The following CLSTN2 variants were observed in gnomAD, a reference collection of about 807,000 sequenced individuals.
The protein encoded by CLSTN2 is calsyntenin-2.
Under a neutral mutation model 101.2 loss-of-function variants are expected in CLSTN2, and 48 were observed. That is an observed-to-expected ratio of 0.47 (90% confidence interval 0.38 to 0.60). CLSTN2 has a LOEUF of 0.60. Among genes scored for constraint, CLSTN2 ranks in the 20% least tolerant of loss-of-function variants. CLSTN2 has a pLI of 0.00. For missense variants in CLSTN2, 1,160 were observed against 1,238.2 expected, an observed-to-expected ratio of 0.94 and a Z score of 0.95; for synonymous variants, 481 against 463.6, an observed-to-expected ratio of 1.04 and a Z score of -0.48.
At chr3:140,254,079 T>A (rs1383441467) in intron 2 of CLSTN2, among the ~76,000 whole-genome samples, 1 of 152,208 alleles carries the variant, frequency 6.6e-6, no homozygotes, top group African/African-American at 2.4e-5. Flanking sequence ...GTAGAAATAA[T>A]AACATAGGAA....
rs139149958 is a variant in CLSTN2, at chr3:139,968,726, G to A, written c.109+33243G>A. On this transcript the variant is annotated intron_variant, in intron 1 of 16. Transcript: ENST00000458420. ...TGGTTTGGTTAGTTTGGATTCTGAA[G>A]TATTCCAGAAACTCAATAGGTAGAA... is the stretch of plus-strand genomic sequence containing the variant. 1.3e-3 allele frequency among the ~76,000 whole-genome samples: 201 copies of A among 152,282 alleles called. 1 individual carries two copies. Among genetic ancestry groups the A allele is most frequent in the Middle Eastern group, 3.4e-3 (1 of 294 alleles).
chr3:140,286,637 C>T lies in CLSTN2; in HGVS notation c.232+110564C>T, dbSNP rs546299419. Among the ~76,000 whole-genome samples, 3 of 152,294 alleles carry T rather than the reference C, an allele frequency of 2.0e-5. No homozygotes were observed. The South Asian group carries it at 6.2e-4, about 32-fold the overall frequency. On this transcript the variant is annotated intron_variant, in intron 2 of 16. Coordinates refer to ENST00000458420, the MANE Select transcript of CLSTN2 (RefSeq NM_022131.3). ...GTATAAGCACCTTTAGGGCAGGGAC[C>T]ATGTTTCTCATCTCTCTCATTCCTG...
chr3:140,033,748 C>CT (rs1444531231), intron 1 of CLSTN2, among the ~76,000 whole-genome samples: 3 of 152,246 alleles, frequency 2.0e-5, no homozygotes, highest in South Asian at 2.1e-4. Flanking sequence ...GCAAAATTAT[C>CT]TTTTTTCTGT....
chr3:140,396,357 A>T (rs1175874659), intron 2 of CLSTN2, among the ~76,000 whole-genome samples: 2 of 152,182 alleles, frequency 1.3e-5, no homozygotes, highest in African/African-American at 2.4e-5. Context: ...CACACATGTG[A>T]CATTCAAAAT....
chr3:140,473,269 A>G (rs1364090700), intron 8 of CLSTN2, among the ~76,000 whole-genome samples: 2 of 152,034 alleles, frequency 1.3e-5, no homozygotes, highest in Non-Finnish European at 1.5e-5. Flanking sequence ...CATTACTCTC[A>G]TGCCATGTCA....
At chr3:140,553,534 A>C (rs1935746137) in intron 10 of CLSTN2, among the ~76,000 whole-genome samples, 1 of 152,128 alleles carries the variant, frequency 6.6e-6, no homozygotes, top group Admixed American at 6.5e-5. Context: ...GAAGTGCTAA[A>C]TTTTCCCAAA....
chr3:139,973,366 C>G (rs1935749715), intron 1 of CLSTN2, among the ~76,000 whole-genome samples: 1 of 152,198 alleles, frequency 6.6e-6, no homozygotes, highest in Non-Finnish European at 1.5e-5. Flanking sequence ...TGGCTCAGGT[C>G]AGTAGCCAGA....
chr3:140,200,081 A>G (rs1193277205), intron 2 of CLSTN2, among the ~76,000 whole-genome samples: 1 of 152,110 alleles, frequency 6.6e-6, no homozygotes, highest in Admixed American at 6.5e-5. Context: ...CAGATTTAAG[A>G]GTCTGTATTC....
At chr3:140,187,746 A>G (rs1425399164) in intron 2 of CLSTN2, among the ~76,000 whole-genome samples, 1 of 151,864 alleles carries the variant, frequency 6.6e-6, no homozygotes. Context: ...GTGTCTGTCC[A>G]CTCACTCCTC....
Position 140,345,245 on chromosome 3 carries a change from C to CTT in CLSTN2, c.233-58378_233-58377dup, listed in dbSNP as rs569774722. On this transcript the variant is annotated intron_variant, in intron 2 of 16. Coordinates refer to ENST00000458420, the MANE Select transcript of CLSTN2 (RefSeq NM_022131.3). ...CAGGGTGGCATTGAGTGGATATAGC[C>CTT]TTTTTTTCTTTTTTTTTTTTGAGAC... Among the ~76,000 whole-genome samples the CTT allele has an allele frequency of 2.4e-4, 33 of 136,018 alleles. 1 individual carries two copies. Among genetic ancestry groups the CTT allele is most frequent in the African/African-American group, 3.2e-4 (12 of 37,512 alleles). 89.2% of individuals were successfully genotyped at this position (136,018 alleles called of 152,430 possible).
At chr3:140,465,474 A>G (rs1167582061) in intron 7 of CLSTN2, among the ~76,000 whole-genome samples, 4 of 152,208 alleles carry the variant, frequency 2.6e-5, no homozygotes, top group Non-Finnish European at 5.9e-5. Context: ...TGAAGCCAGG[A>G]GAATGGCCTG....
chr3:140,273,115 A>G (rs1468397775), intron 2 of CLSTN2, among the ~76,000 whole-genome samples: 1 of 152,106 alleles, frequency 6.6e-6, no homozygotes, highest in African/African-American at 2.4e-5. Flanking sequence ...GACTCACCCT[A>G]GGAATAAAAA....
Position 140,403,776 on chromosome 3 carries a change from A to G in CLSTN2, c.380A>G (p.Tyr127Cys), listed in dbSNP as rs773769106. The change falls in exon 3 of 17, where the codon TAT (tyrosine) becomes TGT (cysteine). Residue 127 changes from tyrosine (Y) to cysteine (C), a missense_variant. Transcript: ENST00000458420. ...GAGTACACATTCATCATCCAGGCCTATGACTGTGGTGCTGGGCCCCACGAG... is the reference window on the plus strand; with the variant it reads ...GAGTACACATTCATCATCCAGGCCTGTGACTGTGGTGCTGGGCCCCACGAG... ...QKEYTFIIQA[Y>C]DCGAGPHETA... 6.2e-7 allele frequency: 1 copy of G among 1,614,130 alleles called. No individual in the cohort carries two copies. Among genetic ancestry groups the G allele is most frequent in the Non-Finnish European group, 8.5e-7 (1 of 1,180,008 alleles).
intron 2 of CLSTN2, among the ~76,000 whole-genome samples, chr3:140,260,047 T>A (rs1019400703): frequency 6.6e-6 from 1 of 151,642 alleles, no homozygotes; most frequent in African/African-American, 2.4e-5. Flanking sequence ...TGAAATCAGT[T>A]GTACACCAAA....
intron 9 of CLSTN2, among the ~76,000 whole-genome samples, chr3:140,539,445 G>A (rs1935424654): frequency 6.6e-6 from 1 of 152,212 alleles, no homozygotes; most frequent in African/African-American, 2.4e-5. Context: ...TCTGGAAACA[G>A]AGTATCACTG....
chr3:140,000,785 T>A (rs1284136156), intron 1 of CLSTN2, among the ~76,000 whole-genome samples: 1 of 152,196 alleles, frequency 6.6e-6, no homozygotes, highest in Non-Finnish European at 1.5e-5. Context: ...TTATCTTTCC[T>A]TTCTCTAGTT....
At chr3:140,000,221 T>G (rs2107747132) in intron 1 of CLSTN2, among the ~76,000 whole-genome samples, 1 of 152,290 alleles carries the variant, frequency 6.6e-6, no homozygotes, top group Admixed American at 6.5e-5. Flanking sequence ...TCCTGACATA[T>G]AGCGGGCACT....
chr3:140,174,368 C>T (rs1029128630), intron 1 of CLSTN2, among the ~76,000 whole-genome samples: 4 of 152,216 alleles, frequency 2.6e-5, no homozygotes, highest in African/African-American at 9.7e-5. Flanking sequence ...TGGGCAAAGC[C>T]ATTCAACAAG....
chr3:140,189,544 C>T (rs956109863), intron 2 of CLSTN2, among the ~76,000 whole-genome samples: 1 of 152,090 alleles, frequency 6.6e-6, no homozygotes, highest in Non-Finnish European at 1.5e-5. Context: ...CATGTATATC[C>T]TCTTCCATGA....
Sources: allele counts gnomAD v4.1 joint callset (sites outside exome capture counted in the v4.1 genomes callset), GRCh38; gene constraint gnomAD v4.1.1; transcripts MANE v1.5; gene names NCBI Gene and HGNC (gene_info 2026-07-23, HGNC 2026-07-21).